Variants in TMEM165 observed in about 807,000 individuals in gnomAD.
TMEM165 encodes the protein transmembrane protein 165.
TMEM165 carries 19 observed loss-of-function variants against 30.0 expected under a neutral mutation model. That is an observed-to-expected ratio of 0.63 (90% CI 0.44 to 0.93). The LOEUF (loss-of-function observed/expected upper bound fraction) is 0.93. Among genes scored for constraint, TMEM165 ranks in the 40% least tolerant of loss-of-function variants. TMEM165 has a pLI of 0.00. For missense variants in TMEM165, 340 were observed against 417.0 expected, an observed-to-expected ratio of 0.82 and a Z score of 1.61; for synonymous variants, 168 against 162.9, an observed-to-expected ratio of 1.03 and a Z score of -0.24.
intron 1 of TMEM165, among the ~76,000 whole-genome samples, chr4:55,400,848 G>A (rs1254315428): frequency 6.6e-6 from 1 of 150,660 alleles, no homozygotes; most frequent in Non-Finnish European, 1.5e-5. Context: ...TGTAATATAA[G>A]TGTCATTGGC....
chr4:55,416,001 T>G (rs1257103259), intron 2 of TMEM165: 2 of 151,978 alleles, frequency 1.3e-5, no homozygotes, highest in Non-Finnish European at 2.9e-5. Flanking sequence ...GACCAAGGCG[T>G]GTGTCACCCC....
At chr4:55,452,875 T>G in exon 4 of TMEM165, 1 of 498,806 alleles carries the variant, frequency 2.0e-6, no homozygotes, top group Non-Finnish European at 3.5e-6. Context: ...ATTTTCTTTT[T>G]AGAGGCAGGT....
chr4:55,439,431 G>A (rs1577671925), intron 3 of TMEM165, among the ~76,000 whole-genome samples: 1 of 152,124 alleles, frequency 6.6e-6, no homozygotes, highest in South Asian at 2.1e-4. Flanking sequence ...TAAAAATGGT[G>A]CAGCCACTAT....
chr4:55,421,872 GA>G (rs1721987869), intron 4 of TMEM165, among the ~76,000 whole-genome samples: 1 of 151,570 alleles, frequency 6.6e-6, no homozygotes, highest in Non-Finnish European at 1.5e-5. Context: ...GCCGTTTTGT[GA>G]GCATTGTTCG....
chr4:55,430,026 C>T (rs140352330), downstream of TMEM165: 10 of 152,202 alleles, frequency 6.6e-5, no homozygotes, highest in African/African-American at 2.2e-4. Context: ...TACATGACAC[C>T]GAAATCACTT....
chr4:55,404,563 C>T (rs1721195519), intron 1 of TMEM165, among the ~76,000 whole-genome samples: 1 of 151,982 alleles, frequency 6.6e-6, no homozygotes, highest in South Asian at 2.1e-4. Context: ...GTAGCTGGGA[C>T]TACAGGTGCA....
chr4:55,442,601 G>C, intron 3 of TMEM165: 1 of 1,612,810 alleles, frequency 6.2e-7, no homozygotes, highest in South Asian at 1.1e-5. Flanking sequence ...AGAGATGTTT[G>C]CTGACTGTGC....
At chr4:55,444,899 C>T in intron 3 of TMEM165, 3 of 1,056,324 alleles carry the variant, frequency 2.8e-6, no homozygotes, top group South Asian at 2.7e-5. Context: ...TAACATCCTT[C>T]ACTAGTTATG....
intron 4 of TMEM165, among the ~76,000 whole-genome samples, chr4:55,419,515 G>A (rs1026828569): frequency 2.0e-5 from 3 of 152,082 alleles, no homozygotes; most frequent in South Asian, 4.1e-4. Flanking sequence ...TTTAAAACAT[G>A]CCCATTGGTT....
intron 1 of TMEM165, among the ~76,000 whole-genome samples, chr4:55,406,047 G>GAATCCCACTGA (rs905781920): frequency 6.6e-6 from 1 of 152,228 alleles, no homozygotes; most frequent in Admixed American, 6.5e-5. Context: ...GACTAGTACT[G>GAATCCCACTGA]AATCCCACTG....
Position 55,396,162 on chromosome 4 carries a change from C to G in TMEM165, c.-28C>G. The G allele has an allele frequency of 7.5e-7, 1 of 1,341,974 alleles. No individual in the cohort carries two copies. Among genetic ancestry groups the G allele is most frequent in the Non-Finnish European group, 9.4e-7 (1 of 1,059,332 alleles). 83.1% of individuals were successfully genotyped at this position (1,341,974 alleles called of 1,614,324 possible). ...GTCGCCGGCACTTCCTCTTGCGGCG[C>G]CCGTGCGCGGCCGGCCCGGCAGGCG... On this transcript the variant is annotated 5_prime_UTR_variant, in exon 1 of 6. Transcript: ENST00000381334.
At chr4:55,430,108 C>T (rs1722402634), downstream of TMEM165, 1 of 152,116 alleles carries the variant, frequency 6.6e-6, no homozygotes, top group Admixed American at 6.5e-5. Flanking sequence ...ATTCAAGAAC[C>T]CCAGAGAACT....
rs1721737677 is a variant in TMEM165, at chr4:55,416,587, C to T, written c.434-485C>T. ...AGTTACAAGGGAGCAGAGTTTAAAT[C>T]TTGCTATGTGAGACTTTTGTCATGA... is the stretch of plus-strand genomic sequence containing the variant. On this transcript the variant is annotated intron_variant, in intron 2 of 5. Coordinates refer to ENST00000381334, the MANE Select transcript of TMEM165 (RefSeq NM_018475.5). 2.0e-5 allele frequency among the ~76,000 whole-genome samples: 3 copies of T among 152,054 alleles called. No homozygotes were observed. The South Asian group carries it at 6.2e-4, about 32-fold the overall frequency.
chr4:55,398,384 G>C (rs1439323751), intron 1 of TMEM165, among the ~76,000 whole-genome samples: 5 of 152,184 alleles, frequency 3.3e-5, no homozygotes, highest in African/African-American at 1.2e-4. Flanking sequence ...AGGTTTGTAA[G>C]GAATAGTGGT....
chr4:55,435,213 A>G (rs187909010), intron 3 of TMEM165: 13 of 617,876 alleles, frequency 2.1e-5, no homozygotes, highest in African/African-American at 2.0e-4. Context: ...TGCCCCTATG[A>G]TCACCTCCTG....
chr4:55,396,259 C>G lies in TMEM165; in HGVS notation c.70C>G (p.Leu24Val). 2 of 1,516,822 alleles carry G rather than the reference C, an allele frequency of 1.3e-6. No homozygotes were observed. Among genetic ancestry groups the G allele is most frequent in the South Asian group, 1.2e-5 (1 of 81,296 alleles). The allele number at this position is 1,516,822 out of a possible 1,614,324, so 94.0% of individuals were successfully genotyped here. The change falls in exon 1 of 6, where the codon CTG becomes GTG. Residue 24 changes from leucine to valine, a missense_variant. Leu to Val is a conservative substitution (Grantham distance 32). Around this residue, in one of 2 missense-constraint regions of TMEM165, gnomAD observed 120 missense variants for 109.4 expected, o/e 1.10. Transcript: ENST00000381334. The part of the protein sequence containing the change: ...PRLLLLFLVP[L>V]LWAPAAVRAG... The stretch of plus-strand genomic sequence containing the variant: ...GCTGCTTCTGCTCTTTCTGGTTCCG[C>G]TGCTGTGGGCCCCGGCTGCGGTCCG...
intron 2 of TMEM165, chr4:55,415,703 C>T (rs1198192626): frequency 6.6e-6 from 1 of 152,078 alleles, no homozygotes; most frequent in African/African-American, 2.4e-5. Flanking sequence ...CATAGGTTTG[C>T]TGCATTTCTA....
intron 1 of TMEM165, 61 bp from the exon 2 acceptor site, chr4:55,411,553 C>A: frequency 7.0e-7 from 1 of 1,421,806 alleles, no homozygotes; most frequent in East Asian, 2.4e-5. Flanking sequence ...ATCTTATTTA[C>A]GTGCAAAATA....
At chr4:55,400,279 T>C (rs1720916775) in intron 1 of TMEM165, among the ~76,000 whole-genome samples, 1 of 97,860 alleles carries the variant, frequency 1.0e-5, no homozygotes, top group Non-Finnish European at 1.8e-5. Context: ...TATAATATAA[T>C]ATTATATATT....
Sources: allele counts gnomAD v4.1 joint callset (sites outside exome capture counted in the v4.1 genomes callset), GRCh38; gene constraint gnomAD v4.1.1; regional missense constraint gnomAD v4.1.1; transcripts MANE v1.5; gene names NCBI Gene and HGNC (gene_info 2026-07-23, HGNC 2026-07-21).